The following CACNA1E variants were observed in gnomAD, a reference collection of about 807,000 sequenced individuals.
CACNA1E encodes the protein voltage-dependent R-type calcium channel subunit alpha-1E.
Under a neutral mutation model 259.2 loss-of-function variants are expected in CACNA1E, and 40 were observed. The ratio of observed to expected loss-of-function variants is 0.15; its 90% CI spans 0.12 to 0.20. The LOEUF is 0.20. CACNA1E is among the 10% of genes least tolerant of loss of function. The pLI is 1.00. For missense variants in CACNA1E, 1,874 were observed against 3,040.1 expected (o/e 0.62, Z 9.02); for synonymous variants, 1,104 against 1,138.5 (o/e 0.97, Z 0.61).
intron 2 of CACNA1E, among the ~76,000 whole-genome samples, chr1:181,460,980 C>T (rs1238869230): frequency 1.3e-5 from 2 of 152,152 alleles, no homozygotes; most frequent in Non-Finnish European, 2.9e-5. Context: ...CCTCTTTACT[C>T]CACTCATAGT....
chr1:181,444,033 C>T (rs973106883), intron 2 of CACNA1E, among the ~76,000 whole-genome samples: 7 of 152,234 alleles, frequency 4.6e-5, no homozygotes, highest in African/African-American at 1.7e-4. Context: ...TTCTTAACAT[C>T]TCTGTTCTTC....
intron 1 of CACNA1E, among the ~76,000 whole-genome samples, chr1:181,389,680 C>T (rs1019275240): frequency 3.9e-5 from 6 of 152,210 alleles, no homozygotes; most frequent in Non-Finnish European, 2.9e-5. Context: ...GTCCCGTGTC[C>T]TCAGATGGAC....
At chr1:181,374,666 T>A (rs1301140875) in intron 1 of CACNA1E, among the ~76,000 whole-genome samples, 1 of 152,112 alleles carries the variant, frequency 6.6e-6, no homozygotes, top group Non-Finnish European at 1.5e-5. Context: ...GGGGTCTTGC[T>A]ATGTTGCCCA....
chr1:181,590,431 A>ATG (rs1652531873), intron 6 of CACNA1E, among the ~76,000 whole-genome samples: 3 of 148,538 alleles, frequency 2.0e-5, no homozygotes, highest in African/African-American at 7.4e-5. Flanking sequence ...ATATATATAT[A>ATG]TATATTGTAT....
intron 2 of CACNA1E, among the ~76,000 whole-genome samples, chr1:181,421,236 T>C (rs1459038209): frequency 6.6e-6 from 1 of 152,244 alleles, no homozygotes; most frequent in Non-Finnish European, 1.5e-5. Context: ...CTTGCAATGC[T>C]ACTTGTAAAT....
rs1659954339 is a variant in CACNA1E at position 181,776,132 on chromosome 1, A to T, written c.5171A>T (p.Asp1724Val). The part of the protein sequence containing the change: ...MLNLFVAVIM[D>V]NFEYLTRDSS... The stretch of plus-strand genomic sequence containing the variant: ...AACCTGTTTGTGGCCGTCATCATGG[A>T]CAACTTTGAGTACCTGACTCGGGAC... The change falls in exon 38 of 48, where the codon GAC (aspartate) becomes GTC (valine). Residue 1724 changes from aspartate (D) to valine (V), a missense_variant. Physicochemically the swap from Asp to Val is radical, Grantham distance 152. This residue lies in a region of CACNA1E where 147 missense variants were observed against 337.1 expected (regional missense o/e 0.44). Transcript: ENST00000367573. This position sits in a 1 kb window ranked among gnomAD's most constrained non-coding sequence, Gnocchi z 4.4. 6.2e-7 allele frequency: 1 copy of T among 1,613,736 alleles called. No individual in the cohort carries two copies. The highest frequency in any genetic ancestry group is 1.3e-5 in the African/African-American group (1 of 74,902).
chr1:181,342,849 G>A lies in CACNA1E; in HGVS notation c.-15+24726G>A, dbSNP rs116082962. On this transcript the variant is annotated intron_variant, in intron 1 of 11. Transcript: ENST00000524607. ...TGACCTTGTGGGTGCTTCCACATGT[G>A]CTCACTTCGTATGGTTTTGTTTTGT... is the stretch of plus-strand genomic sequence containing the variant. 3.9e-3 allele frequency among the ~76,000 whole-genome samples: 590 copies of A among 152,266 alleles called. 1 individual carries two copies. Among genetic ancestry groups the A allele is most frequent in the Non-Finnish European group, 7.1e-3 (484 of 68,026 alleles).
chr1:181,750,698 C>CTCTT (rs2102655941), intron 26 of CACNA1E, among the ~76,000 whole-genome samples: 1 of 152,246 alleles, frequency 6.6e-6, no homozygotes, highest in South Asian at 2.1e-4. Context: ...CATATGTTGC[C>CTCTT]TCTTTTAGGT....
At chr1:181,337,434 G>C (rs2804706) in intron 1 of CACNA1E, among the ~76,000 whole-genome samples, 9,403 of 151,914 alleles carry the variant, frequency 0.062, 991 homozygotes, top group African/African-American at 0.21. Context: ...TAACTATAGC[G>C]CTAACCCTGT....
intron 1 of CACNA1E, among the ~76,000 whole-genome samples, chr1:181,488,740 C>T (rs1339939917): frequency 6.6e-6 from 1 of 152,078 alleles, no homozygotes; most frequent in Non-Finnish European, 1.5e-5. Context: ...GCTTTTTCTG[C>T]AATAGGCGCA....
intron 9 of CACNA1E, 118 bp from the exon 10 acceptor site, chr1:181,715,922 G>A (rs964674101): frequency 8.6e-5 from 58 of 674,178 alleles, no homozygotes; most frequent in Non-Finnish European, 1.2e-4. Flanking sequence ...AAGGCAGATA[G>A]ATGCCTGTGT....
chr1:181,655,237 G>A (rs1659115066), intron 7 of CACNA1E, among the ~76,000 whole-genome samples: 1 of 152,046 alleles, frequency 6.6e-6, no homozygotes, highest in Non-Finnish European at 1.5e-5. Context: ...GAACAAATGA[G>A]TTTAATTAAT....
At chr1:181,638,850 T>A (rs1424059782) in intron 6 of CACNA1E, among the ~76,000 whole-genome samples, 1 of 152,192 alleles carries the variant, frequency 6.6e-6, no homozygotes, top group East Asian at 1.9e-4. Context: ...GGTGCCTTGC[T>A]TCCCCTTCTA....
chr1:181,797,792 C>G (rs1471338407), intron 47 of CACNA1E, among the ~76,000 whole-genome samples: 2 of 152,210 alleles, frequency 1.3e-5, no homozygotes, highest in African/African-American at 4.8e-5. Context: ...GGTACAGAAG[C>G]TGAGTTCAGC....
intron 6 of CACNA1E, among the ~76,000 whole-genome samples, chr1:181,637,472 C>T (rs1478985031): frequency 6.7e-6 from 1 of 148,728 alleles, no homozygotes; most frequent in Non-Finnish European, 1.5e-5. Flanking sequence ...CCTTTCCTTC[C>T]TGCCTTCCTT....
intron 3 of CACNA1E, among the ~76,000 whole-genome samples, chr1:181,553,241 G>A (rs927030304): frequency 2.6e-5 from 4 of 152,034 alleles, no homozygotes; most frequent in East Asian, 1.9e-4. Flanking sequence ...GTATTCCTAG[G>A]TATCTTATTC....
At chr1:181,352,152 A>G (rs1458826032) in intron 1 of CACNA1E, among the ~76,000 whole-genome samples, 1 of 152,204 alleles carries the variant, frequency 6.6e-6, no homozygotes, top group East Asian at 1.9e-4. Context: ...TAACATCTTA[A>G]TCCTGTCATT....
At chr1:181,578,870 C>A (rs1261837449) in intron 4 of CACNA1E, among the ~76,000 whole-genome samples, 1 of 152,226 alleles carries the variant, frequency 6.6e-6, no homozygotes, top group African/African-American at 2.4e-5. Flanking sequence ...GGAAGATGAA[C>A]TTTATCCCAG....
At chr1:181,626,143 C>T (rs1265419055) in intron 6 of CACNA1E, among the ~76,000 whole-genome samples, 1 of 152,114 alleles carries the variant, frequency 6.6e-6, no homozygotes, top group Non-Finnish European at 1.5e-5. Flanking sequence ...TTGCTGATCA[C>T]AAATCACCAT....
Sources: allele counts gnomAD v4.1 joint callset (sites outside exome capture counted in the v4.1 genomes callset), GRCh38; gene constraint gnomAD v4.1.1; regional missense constraint gnomAD v4.1.1; non-coding constraint Gnocchi (gnomAD v3.1); transcripts MANE v1.5; gene names NCBI Gene and HGNC (gene_info 2026-07-23, HGNC 2026-07-21).